LINC00305: variants seen among roughly 807,000 people sequenced by gnomAD.
The protein encoded by LINC00305 is long independently transcribed non-coding RNA 305, also known as long intergenic non-protein coding RNA 305.
intron 1 of LINC00305, among the ~76,000 whole-genome samples, chr18:64,143,803 GT>G (rs2051483266): frequency 6.8e-6 from 1 of 147,738 alleles, no homozygotes; most frequent in African/African-American, 2.5e-5. Context: ...ATGCGTACAT[GT>G]ATGTATACAT....
chr18:64,147,819 T>A (rs775825540), intron 1 of LINC00305, among the ~76,000 whole-genome samples: 52 of 152,060 alleles, frequency 3.4e-4, no homozygotes, highest in Non-Finnish European at 5.3e-4. Flanking sequence ...TAATTGGTTT[T>A]CTCATATTGG....
chr18:64,109,040 C>T (rs1176623988), intron 1 of LINC00305, among the ~76,000 whole-genome samples: 1 of 152,110 alleles, frequency 6.6e-6, no homozygotes, highest in Non-Finnish European at 1.5e-5. Flanking sequence ...TCTCCCTTAC[C>T]CCCACATTTG....
chr18:64,114,094 C>T (rs1275715982), intron 1 of LINC00305, among the ~76,000 whole-genome samples: 1 of 152,070 alleles, frequency 6.6e-6, no homozygotes, highest in African/African-American at 2.4e-5. Context: ...TCGGTGAAAC[C>T]CCGTCTCTAC....
intron 1 of LINC00305, among the ~76,000 whole-genome samples, chr18:64,141,528 C>A (rs2051463103): frequency 6.6e-6 from 1 of 152,148 alleles, no homozygotes; most frequent in Non-Finnish European, 1.5e-5. Flanking sequence ...ATGTTTAAGT[C>A]TCAATTCCAT....
intron 1 of LINC00305, among the ~76,000 whole-genome samples, chr18:64,143,512 A>G (rs1364793408): frequency 6.7e-6 from 1 of 149,004 alleles, no homozygotes; most frequent in East Asian, 2.0e-4. Flanking sequence ...TATGTATACC[A>G]TCAATATACA....
chr18:64,136,704 G>A (rs943051938), intron 1 of LINC00305, among the ~76,000 whole-genome samples: 3 of 152,204 alleles, frequency 2.0e-5, no homozygotes, highest in Non-Finnish European at 4.4e-5. Context: ...AGATGGTGGG[G>A]CTGTCAGAAG....
At chr18:64,136,019 T>C (rs937153683) in intron 1 of LINC00305, among the ~76,000 whole-genome samples, 2 of 152,184 alleles carry the variant, frequency 1.3e-5, no homozygotes, top group Admixed American at 6.5e-5. Context: ...TTGCATCTAA[T>C]GGCCCAGCTC....
rs371362589 is a variant in LINC00305 at position 64,142,678 on chromosome 18, G to A, written n.314+6097C>T. 2.2e-3 allele frequency among the ~76,000 whole-genome samples: 336 copies of A among 152,132 alleles called. 3 individuals are homozygous for A. The highest frequency in any genetic ancestry group is 7.8e-3 in the African/African-American group (325 of 41,502). On this transcript the variant is annotated intron_variant and non_coding_transcript_variant, in intron 1 of 3. Coordinates refer to ENST00000666468, the Ensembl canonical transcript of LINC00305. ...TGTGTCTTACACCATGGCCACCCGC[G>A]CCCTATTCCACTCTTGTATATACAC... is the stretch of plus-strand genomic sequence containing the variant.
intron 1 of LINC00305, among the ~76,000 whole-genome samples, chr18:64,135,595 T>C (rs1001276567): frequency 6.6e-6 from 1 of 152,112 alleles, no homozygotes; most frequent in Non-Finnish European, 1.5e-5. Context: ...TTATTTTCTT[T>C]TTTATTTTGA....
At chr18:64,128,641 C>A (rs1008651692) in intron 1 of LINC00305, among the ~76,000 whole-genome samples, 4 of 152,100 alleles carry the variant, frequency 2.6e-5, no homozygotes, top group Admixed American at 1.3e-4. Flanking sequence ...GGTAGTATTT[C>A]ATATCCCACT....
chr18:64,121,815 A>G (rs1279607475), intron 1 of LINC00305, among the ~76,000 whole-genome samples: 1 of 152,124 alleles, frequency 6.6e-6, no homozygotes, highest in African/African-American at 2.4e-5. Context: ...GGAACAGTGT[A>G]TAAGAGTTCC....
chr18:64,108,918 C>T (rs992440467), intron 1 of LINC00305, among the ~76,000 whole-genome samples: 1 of 152,216 alleles, frequency 6.6e-6, no homozygotes, highest in African/African-American at 2.4e-5. Flanking sequence ...ACATCTAGGG[C>T]TATTTTCCCC....
chr18:64,132,906 A>G (rs906660435), intron 1 of LINC00305, among the ~76,000 whole-genome samples: 1 of 152,188 alleles, frequency 6.6e-6, no homozygotes, highest in Non-Finnish European at 1.5e-5. Context: ...CACAACCAGA[A>G]TAAAGTCAGG....
chr18:64,098,979 C>G, intron 1 of LINC00305, among the ~76,000 whole-genome samples: 1 of 152,028 alleles, frequency 6.6e-6, no homozygotes, highest in East Asian at 1.9e-4. Context: ...CTCAGTCATC[C>G]CATGAATAGA....
chr18:64,084,821 G>T (rs1443680762), intron 3 of LINC00305, among the ~76,000 whole-genome samples: 2 of 152,226 alleles, frequency 1.3e-5, no homozygotes, highest in African/African-American at 4.8e-5. Flanking sequence ...TCTTTCATCT[G>T]ATAGAAGCCA....
At chr18:64,124,885 G>T (rs927850212) in intron 1 of LINC00305, among the ~76,000 whole-genome samples, 1 of 152,058 alleles carries the variant, frequency 6.6e-6, no homozygotes, top group Non-Finnish European at 1.5e-5. Flanking sequence ...GAATGACCAG[G>T]CTTCTAACCT....
chr18:64,112,344 A>AG (rs1415899837), intron 1 of LINC00305, among the ~76,000 whole-genome samples: 1 of 152,110 alleles, frequency 6.6e-6, no homozygotes, highest in Non-Finnish European at 1.5e-5. Context: ...TCAAAAAAAA[A>AG]AAAAAAAAAA....
intron 1 of LINC00305, among the ~76,000 whole-genome samples, chr18:64,100,751 GTGTCCATATA>G (rs1337310873): frequency 6.6e-6 from 1 of 152,154 alleles, no homozygotes; most frequent in Non-Finnish European, 1.5e-5. Flanking sequence ...GTGCACCTGT[GTGTCCATATA>G]TGGCTTCCTG....
chr18:64,107,244 C>T (rs539737685), intron 1 of LINC00305, among the ~76,000 whole-genome samples: 1 of 152,256 alleles, frequency 6.6e-6, no homozygotes, highest in Admixed American at 6.5e-5. Context: ...GTTCTGGGCT[C>T]ATATTCTGGG....
Sources: gnomAD v4.1 joint callset for allele counts (sites outside exome capture counted in the v4.1 genomes callset) on GRCh38, gnomAD v4.1.1 for gene constraint, MANE v1.5 for transcripts, NCBI Gene and HGNC (gene_info 2026-07-23, HGNC 2026-07-21) for gene names.